Variants in PCDH15 observed in about 807,000 individuals in gnomAD.
PCDH15 encodes protocadherin related 15.
PCDH15 carries 129 observed loss-of-function variants against 178.5 expected under a neutral mutation model. That is an observed-to-expected ratio of 0.72 (90% CI 0.63 to 0.84). PCDH15 has a LOEUF of 0.84. Among genes scored for constraint, PCDH15 ranks in the 40% least tolerant of loss-of-function variants. PCDH15 has a pLI of 0.00. For missense variants in PCDH15, 2,230 were observed against 2,099.9 expected (o/e 1.06, Z -1.21); for synonymous variants, 800 against 732.0 (o/e 1.09, Z -1.50).
intron 2 of PCDH15, among the ~76,000 whole-genome samples, chr10:55,489,188 T>C (rs1589075594): frequency 6.6e-6 from 1 of 151,502 alleles, no homozygotes; most frequent in African/African-American, 2.4e-5. Context: ...AGTTTATAAA[T>C]TTAGTTATAA....
chr10:54,509,138 T>A (rs1297053207), intron 3 of PCDH15, among the ~76,000 whole-genome samples: 2 of 152,044 alleles, frequency 1.3e-5, no homozygotes, highest in Non-Finnish European at 2.9e-5. Flanking sequence ...AGAAACTGGT[T>A]ATTGACACTT....
At chr10:53,848,361 T>C in intron 28 of PCDH15, among the ~76,000 whole-genome samples, 1 of 152,128 alleles carries the variant, frequency 6.6e-6, no homozygotes, top group South Asian at 2.1e-4. Flanking sequence ...GATAAAATAA[T>C]ATATAATGAT....
chr10:55,531,484 T>A (rs2132063939), intron 2 of PCDH15, among the ~76,000 whole-genome samples: 1 of 152,002 alleles, frequency 6.6e-6, no homozygotes, highest in African/African-American at 2.4e-5. Flanking sequence ...TAAATAAGAA[T>A]CTCTGGAAGC....
chr10:55,313,488 G>A (rs1409210058), intron 1 of PCDH15, among the ~76,000 whole-genome samples: 7 of 152,172 alleles, frequency 4.6e-5, no homozygotes, highest in East Asian at 1.9e-4. Flanking sequence ...ATGGCGTTAC[G>A]GATGTTGAAA....
intron 1 of PCDH15, among the ~76,000 whole-genome samples, chr10:54,768,965 G>C (rs1948802562): frequency 6.6e-6 from 1 of 152,018 alleles, no homozygotes; most frequent in African/African-American, 2.4e-5. Flanking sequence ...TTTTGGACTT[G>C]GTTTGGAAAT....
chr10:54,879,116 A>C (rs76400856), intron 3 of PCDH15, among the ~76,000 whole-genome samples: 10,922 of 152,118 alleles, frequency 0.072, 470 homozygotes, highest in South Asian at 0.11. Flanking sequence ...TTTAGATTCA[A>C]ATGTAGCTAG....
chr10:54,538,629 A>G (rs1039228455), intron 2 of PCDH15, among the ~76,000 whole-genome samples: 1 of 152,054 alleles, frequency 6.6e-6, no homozygotes, highest in African/African-American at 2.4e-5. Flanking sequence ...ATGTTGGAGG[A>G]GGGGCTGGTG....
chr10:55,261,674 A>G (rs1842148012), intron 1 of PCDH15, among the ~76,000 whole-genome samples: 2 of 152,212 alleles, frequency 1.3e-5, no homozygotes, highest in South Asian at 4.1e-4. Flanking sequence ...AAGGTTCCTT[A>G]GATGACTATT....
intron 2 of PCDH15, chr10:54,655,659 G>A (rs1400633675): frequency 1.3e-5 from 2 of 152,086 alleles, no homozygotes; most frequent in Non-Finnish European, 2.9e-5. Flanking sequence ...ACTTAGAGAA[G>A]TCACAGAGTT....
chr10:55,359,720 G>GTATATATATATA (rs57949952), intron 2 of PCDH15, among the ~76,000 whole-genome samples: 129 of 112,828 alleles, frequency 1.1e-3, no homozygotes, highest in African/African-American at 4.6e-3. Flanking sequence ...AAAATGTGGT[G>GTATATATATATA]TATATATATA....
chr10:54,509,489 G>A (rs2081456032), intron 3 of PCDH15, among the ~76,000 whole-genome samples: 1 of 152,056 alleles, frequency 6.6e-6, no homozygotes, highest in Non-Finnish European at 1.5e-5. Flanking sequence ...GTGTTCTTTG[G>A]AAAGATAGCA....
At chr10:54,687,788 C>T (rs1272996887) in intron 1 of PCDH15, among the ~76,000 whole-genome samples, 1 of 152,076 alleles carries the variant, frequency 6.6e-6, no homozygotes, top group African/African-American at 2.4e-5. Flanking sequence ...TGAGTCCAAT[C>T]TCTCTCTGCT....
chr10:54,679,330 A>G (rs1277432033), intron 1 of PCDH15, among the ~76,000 whole-genome samples: 1 of 152,170 alleles, frequency 6.6e-6, no homozygotes, highest in Non-Finnish European at 1.5e-5. Context: ...TTTGTATCTC[A>G]TGATACTTAT....
At chr10:54,855,585 G>A (rs1243872483) in intron 3 of PCDH15, among the ~76,000 whole-genome samples, 1 of 152,162 alleles carries the variant, frequency 6.6e-6, no homozygotes, top group South Asian at 2.1e-4. Context: ...GCTCTCAGAT[G>A]AATTCTAGTG....
intron 2 of PCDH15, among the ~76,000 whole-genome samples, chr10:55,072,290 A>G (rs1489254315): frequency 6.6e-6 from 1 of 152,236 alleles, no homozygotes; most frequent in Non-Finnish European, 1.5e-5. Flanking sequence ...ATCCCTTCAA[A>G]AAATTAATGG....
intron 19 of PCDH15, 53 bp from the exon 20 acceptor site, chr10:54,020,469 T>A (rs557848456): frequency 6.5e-7 from 1 of 1,546,998 alleles, no homozygotes; most frequent in East Asian, 2.2e-5. Context: ...AATAAAGAAA[T>A]GCAGGAAGGA....
chr10:53,942,343 C>T (rs1009403811), intron 23 of PCDH15, among the ~76,000 whole-genome samples: 1 of 151,968 alleles, frequency 6.6e-6, no homozygotes, highest in Non-Finnish European at 1.5e-5. Flanking sequence ...ATAATCTTGC[C>T]TCTTTCCTTC....
upstream of PCDH15, among the ~76,000 whole-genome samples, chr10:54,806,052 A>G (rs1952772549): frequency 6.6e-6 from 1 of 152,188 alleles, no homozygotes; most frequent in African/African-American, 2.4e-5. Flanking sequence ...AAAACTAAAG[A>G]GAAGTGCAGA....
intron 1 of PCDH15, among the ~76,000 whole-genome samples, chr10:55,169,487 G>C (rs1839275902): frequency 6.6e-6 from 1 of 152,088 alleles, no homozygotes; most frequent in Non-Finnish European, 1.5e-5. Context: ...CAGCAGAAAG[G>C]TTTATACTGT....
Sources: allele counts gnomAD v4.1 joint callset (sites outside exome capture counted in the v4.1 genomes callset), GRCh38; gene constraint gnomAD v4.1.1; transcripts MANE v1.5; gene names NCBI Gene and HGNC (gene_info 2026-07-23, HGNC 2026-07-21).